Variants in UBR3 observed in about 807,000 individuals in gnomAD.
UBR3 encodes the protein ubiquitin protein ligase E3 component n-recognin 3, also known as E3 ubiquitin-protein ligase UBR3.
UBR3 carries 85 observed loss-of-function variants against 243.2 expected under a neutral mutation model. The ratio of observed to expected loss-of-function variants is 0.35; its 90% CI spans 0.29 to 0.42. UBR3 has a LOEUF of 0.42. Among genes scored for constraint, UBR3 ranks in the 10% least tolerant of loss-of-function variants. UBR3 has a pLI of 1.00. For synonymous variants in UBR3, 748 were observed against 799.8 expected (o/e 0.94, Z 1.09); for missense variants, 1,686 against 2,300.8 (o/e 0.73, Z 5.47).
intron 1 of UBR3, among the ~76,000 whole-genome samples, chr2:169,855,395 G>A (rs377562958): frequency 6.6e-6 from 1 of 151,642 alleles, no homozygotes; most frequent in Non-Finnish European, 1.5e-5. Context: ...GTGTTTCTCG[G>A]AGAGGGGGAT....
At chr2:169,865,897 C>G (rs1167743097) in intron 1 of UBR3, among the ~76,000 whole-genome samples, 1 of 152,084 alleles carries the variant, frequency 6.6e-6, no homozygotes, top group African/African-American at 2.4e-5. Flanking sequence ...CGCCTGTAAT[C>G]CCAGCACTTT....
chr2:170,074,117 C>T (rs1009369084), intron 36 of UBR3, among the ~76,000 whole-genome samples: 2 of 152,008 alleles, frequency 1.3e-5, no homozygotes, highest in African/African-American at 4.8e-5. Context: ...TCTAGAACTA[C>T]AGTTTTTTAA....
At chr2:169,939,863 C>T (rs1226111153) in intron 19 of UBR3, among the ~76,000 whole-genome samples, 2 of 152,114 alleles carry the variant, frequency 1.3e-5, no homozygotes, top group Admixed American at 6.6e-5. Context: ...CTATGCCAGG[C>T]CATTATTATC....
At chr2:170,035,661 A>G (rs2090806072) in intron 31 of UBR3, among the ~76,000 whole-genome samples, 1 of 151,908 alleles carries the variant, frequency 6.6e-6, no homozygotes. Context: ...GCCTCTCTAT[A>G]TAAATTTTAA....
In UBR3 at chr2:169,983,252, CTTTTTTTTTTTTT is replaced by C. The variant is rs72194627; in HGVS notation, c.3635-3383_3635-3371del. ...TGTTGTTTTTGCCACATTCTCTCTC[CTTTTTTTTTTTTT>C]TTTTTTTTTGAGATGGAGTCTCACT... On this transcript the variant is annotated intron_variant, in intron 24 of 38. Coordinates refer to ENST00000272793, the MANE Select transcript of UBR3 (RefSeq NM_172070.4). 1.3e-4 allele frequency among the ~76,000 whole-genome samples: 9 copies of C among 71,986 alleles called. No homozygotes were observed. In the South Asian group the frequency reaches 3.2e-3, roughly 25 times the overall value. The allele number at this position is 71,986 out of a possible 152,430, so 47.2% of individuals were successfully genotyped here. A position where few individuals can be genotyped will look rare whatever the true frequency, so the allele number is the denominator to read the frequency against.
At chr2:169,882,156 ATATT>A (rs1409786261) in intron 5 of UBR3, among the ~76,000 whole-genome samples, 1 of 130,724 alleles carries the variant, frequency 7.6e-6, no homozygotes, top group Non-Finnish European at 1.5e-5. Flanking sequence ...ATATGTATAT[ATATT>A]TATCATATTT....
At chr2:169,897,139 G>T (rs981503312) in intron 8 of UBR3, among the ~76,000 whole-genome samples, 1 of 152,002 alleles carries the variant, frequency 6.6e-6, no homozygotes, top group African/African-American at 2.4e-5. Context: ...ATAAGTGCAG[G>T]TATTAATATC....
At chr2:170,051,542 C>T (rs2091217988) in intron 32 of UBR3, among the ~76,000 whole-genome samples, 1 of 152,138 alleles carries the variant, frequency 6.6e-6, no homozygotes, top group African/African-American at 2.4e-5. Flanking sequence ...GACGAGGTTT[C>T]ACCATGTTGG....
chr2:170,010,718 T>A (rs2090057223), intron 29 of UBR3, among the ~76,000 whole-genome samples: 1 of 152,186 alleles, frequency 6.6e-6, no homozygotes, highest in Non-Finnish European at 1.5e-5. Context: ...TTTCTGAAAC[T>A]TAATAAATTC....
At chr2:170,013,670 CTTATAT>C (rs1241269646) in intron 29 of UBR3, among the ~76,000 whole-genome samples, 5 of 151,818 alleles carry the variant, frequency 3.3e-5, no homozygotes, top group East Asian at 1.9e-4. Flanking sequence ...CAGAATTGTT[CTTATAT>C]TTATATTTTA....
intron 33 of UBR3, among the ~76,000 whole-genome samples, chr2:170,056,189 G>A (rs1323250122): frequency 6.6e-6 from 1 of 151,676 alleles, no homozygotes; most frequent in Non-Finnish European, 1.5e-5. Context: ...TGTATTTTTA[G>A]TAGAGACAGG....
intron 24 of UBR3, among the ~76,000 whole-genome samples, chr2:169,966,760 A>G (rs2087829399): frequency 6.6e-6 from 1 of 152,226 alleles, no homozygotes; most frequent in Non-Finnish European, 1.5e-5. Flanking sequence ...ATGTACGTAC[A>G]TTTAAAATGC....
At chr2:169,972,718 T>A (rs1348069189) in intron 24 of UBR3, among the ~76,000 whole-genome samples, 1 of 151,948 alleles carries the variant, frequency 6.6e-6, no homozygotes, top group Non-Finnish European at 1.5e-5. Flanking sequence ...TCAACAACCC[T>A]TCATGCTAAA....
chr2:169,834,359 TA>T (rs1437046570), intron 1 of UBR3, among the ~76,000 whole-genome samples: 1 of 152,242 alleles, frequency 6.6e-6, no homozygotes, highest in Non-Finnish European at 1.5e-5. Flanking sequence ...TGGGCTGTTG[TA>T]AACATTGTTG....
Position 169,878,399 on chromosome 2 carries a change from TG to T in UBR3, c.989-125del, listed in dbSNP as rs1191115763. The T allele has an allele frequency of 4.9e-6, 4 of 818,858 alleles. No homozygotes were observed. In the African/African-American group the frequency reaches 7.1e-5, roughly 14 times the overall value. The allele number at this position is 818,858 out of a possible 1,614,324, so 50.7% of individuals were successfully genotyped here. A position where few individuals can be genotyped will look rare whatever the true frequency, so the allele number is the denominator to read the frequency against. ...AAAAGTTGGACTTTGCCAAGATAAC[TG>T]TTAGAATGAGGTGTCCTAACGTAAC... On this transcript the variant is annotated intron_variant, in intron 4 of 38. Transcript: ENST00000272793.
chr2:169,895,626 T>G (rs2084553591), intron 7 of UBR3, among the ~76,000 whole-genome samples: 1 of 152,228 alleles, frequency 6.6e-6, no homozygotes, highest in South Asian at 2.1e-4. Flanking sequence ...CAAATTGTTC[T>G]AAATCCTCTG....
intron 30 of UBR3, among the ~76,000 whole-genome samples, chr2:170,026,703 G>A (rs1347177643): frequency 1.3e-5 from 2 of 152,160 alleles, no homozygotes; most frequent in Non-Finnish European, 2.9e-5. Flanking sequence ...ATTTTAAAAT[G>A]TGTTATACTA....
intron 24 of UBR3, among the ~76,000 whole-genome samples, chr2:169,977,711 C>T (rs2088520204): frequency 6.6e-6 from 1 of 152,148 alleles, no homozygotes; most frequent in Non-Finnish European, 1.5e-5. Flanking sequence ...GCAGATGTTC[C>T]TCTTTCATTC....
At chr2:169,851,940 C>A (rs918607183) in intron 1 of UBR3, among the ~76,000 whole-genome samples, 5 of 151,924 alleles carry the variant, frequency 3.3e-5, no homozygotes, top group Non-Finnish European at 7.4e-5. Context: ...GTGAACTACT[C>A]TTTTGCTTAC....
Sources: allele counts gnomAD v4.1 joint callset (sites outside exome capture counted in the v4.1 genomes callset), GRCh38; gene constraint gnomAD v4.1.1; transcripts MANE v1.5; gene names NCBI Gene and HGNC (gene_info 2026-07-23, HGNC 2026-07-21).